CDK14: variants seen among roughly 807,000 people sequenced by gnomAD.
The protein encoded by CDK14 is cyclin-dependent kinase 14.
A neutral mutation model predicts 60.7 loss-of-function variants in CDK14; 34 were observed. The observed-to-expected ratio is 0.56, with a 90% CI of 0.43 to 0.75. CDK14 has a LOEUF of 0.75. Among genes scored for constraint, CDK14 ranks in the 30% least tolerant of loss-of-function variants. The probability of loss-of-function intolerance (pLI) is 0.00; values close to 1 mark genes in which losing one functional copy is unlikely to be tolerated. For missense variants in CDK14, 482 were observed against 564.1 expected, an observed-to-expected ratio of 0.85 and a Z score of 1.47; for synonymous variants, 197 against 203.7, an observed-to-expected ratio of 0.97 and a Z score of 0.28.
intron 2 of CDK14, among the ~76,000 whole-genome samples, chr7:90,695,027 T>G (rs1240190009): frequency 6.6e-6 from 1 of 152,206 alleles, no homozygotes; most frequent in African/African-American, 2.4e-5. Flanking sequence ...GAAATTTTGA[T>G]TGCTGTTTCC....
At chr7:90,971,078 C>G (rs1289779406) in intron 9 of CDK14, among the ~76,000 whole-genome samples, 3 of 151,980 alleles carry the variant, frequency 2.0e-5, no homozygotes, top group East Asian at 1.9e-4. Context: ...CCCGCTCCCC[C>G]CACCCCACAA....
chr7:90,799,874 G>C (rs533556968), intron 5 of CDK14, among the ~76,000 whole-genome samples: 2 of 152,064 alleles, frequency 1.3e-5, no homozygotes, highest in Admixed American at 1.3e-4. Context: ...TAGGGATTTT[G>C]AGGGGGGACA....
chr7:90,979,118 A>C (rs1330764570), intron 9 of CDK14, among the ~76,000 whole-genome samples: 6 of 152,174 alleles, frequency 3.9e-5, no homozygotes, highest in African/African-American at 1.4e-4. Context: ...TACCTAAATG[A>C]ATGAGTGTGG....
intron 9 of CDK14, among the ~76,000 whole-genome samples, chr7:90,970,555 C>T (rs1277318791): frequency 6.6e-6 from 1 of 152,190 alleles, no homozygotes; most frequent in Non-Finnish European, 1.5e-5. Context: ...ATTGCTGACC[C>T]TGGATTCAGG....
intron 10 of CDK14, among the ~76,000 whole-genome samples, chr7:90,999,920 C>T (rs554510309): frequency 6.6e-6 from 1 of 152,274 alleles, no homozygotes; most frequent in East Asian, 1.9e-4. Context: ...TGTTCTGTCT[C>T]AGCCACCACT....
chr7:91,192,187 C>T (rs1011763991), intron 14 of CDK14, among the ~76,000 whole-genome samples: 36 of 152,158 alleles, frequency 2.4e-4, no homozygotes, highest in African/African-American at 8.7e-4. Context: ...GAGCAAGAAT[C>T]ATCAGAATGC....
intron 12 of CDK14, among the ~76,000 whole-genome samples, chr7:91,104,094 G>T (rs1799218523): frequency 6.6e-6 from 1 of 151,894 alleles, no homozygotes; most frequent in African/African-American, 2.4e-5. Flanking sequence ...GAGTTTCCAT[G>T]AACAACAAAC....
chr7:91,138,428 C>G (rs1384057463), intron 14 of CDK14, among the ~76,000 whole-genome samples: 1 of 152,076 alleles, frequency 6.6e-6, no homozygotes, highest in African/African-American at 2.4e-5. Flanking sequence ...AAATAGATGG[C>G]ATTTGAGATG....
intron 14 of CDK14, among the ~76,000 whole-genome samples, chr7:91,165,095 G>T (rs927252594): frequency 6.6e-6 from 1 of 152,110 alleles, no homozygotes; most frequent in Admixed American, 6.5e-5. Context: ...ATGCGGCCTG[G>T]TTCATACAGT....
At chr7:91,130,147 G>C (rs1362831172) in intron 14 of CDK14, among the ~76,000 whole-genome samples, 1 of 151,816 alleles carries the variant, frequency 6.6e-6, no homozygotes, top group East Asian at 1.9e-4. Context: ...CCATATTTTT[G>C]TCATTTGCTT....
intron 10 of CDK14, among the ~76,000 whole-genome samples, chr7:91,006,338 T>A (rs1208904): frequency 0.99 from 150,174 of 152,350 alleles, 74,048 homozygotes; most frequent in East Asian, 1. Context: ...GGCTGCATTT[T>A]TTCAGAAACC....
At chr7:90,877,983 T>G (rs1331273536) in intron 6 of CDK14, among the ~76,000 whole-genome samples, 1 of 152,102 alleles carries the variant, frequency 6.6e-6, no homozygotes, top group Non-Finnish European at 1.5e-5. Flanking sequence ...TAATTTCTCA[T>G]GTTACCAAAT....
chr7:90,988,268 A>G (rs901779637), intron 10 of CDK14, among the ~76,000 whole-genome samples: 2 of 152,310 alleles, frequency 1.3e-5, no homozygotes, highest in South Asian at 2.1e-4. Flanking sequence ...GAGCTGGGAT[A>G]TGCTACAATC....
chr7:90,698,756 G>A (rs1801718823), intron 2 of CDK14, among the ~76,000 whole-genome samples: 1 of 152,170 alleles, frequency 6.6e-6, no homozygotes, highest in Admixed American at 6.5e-5. Context: ...TCTAGCATTT[G>A]CTACTCACTA....
chr7:91,025,739 C>T (rs1796550427), intron 10 of CDK14, among the ~76,000 whole-genome samples: 1 of 152,174 alleles, frequency 6.6e-6, no homozygotes, highest in Admixed American at 6.5e-5. Flanking sequence ...CTGTGCACTG[C>T]CTGTGCCTGT....
rs151023891 is a variant in CDK14, at chr7:90,657,650, A to G, written c.123+53401A>G. Among the ~76,000 whole-genome samples, 24 of 152,332 alleles carry G rather than the reference A, an allele frequency of 1.6e-4. 1 individual carries two copies. The East Asian group carries it at 4.6e-3, about 29-fold the overall frequency. On this transcript the variant is annotated intron_variant, in intron 2 of 14. Coordinates refer to ENST00000380050, the MANE Select transcript of CDK14 (RefSeq NM_001287135.2). ...GAATTTTTAATTTTAATGAATTCAG[A>G]TAACCACATATGGGCCAGTGGCTAC...
chr7:91,188,896 G>A (rs1042680152), intron 14 of CDK14, among the ~76,000 whole-genome samples: 15 of 152,126 alleles, frequency 9.9e-5, no homozygotes, highest in African/African-American at 3.6e-4. Context: ...TAGATTTGAA[G>A]TGTTCCTCTT....
chr7:90,810,130 A>G (rs1487075185), intron 5 of CDK14, among the ~76,000 whole-genome samples: 1 of 152,234 alleles, frequency 6.6e-6, no homozygotes, highest in Non-Finnish European at 1.5e-5. Context: ...TGAGGCCGGC[A>G]TCATCCTGAT....
chr7:90,734,416 TTC>T (rs1803002227), intron 3 of CDK14, among the ~76,000 whole-genome samples: 1 of 152,252 alleles, frequency 6.6e-6, no homozygotes, highest in Non-Finnish European at 1.5e-5. Flanking sequence ...TCCAACTTGG[TTC>T]TATTCTCCCC....
Sources: allele counts gnomAD v4.1 joint callset (sites outside exome capture counted in the v4.1 genomes callset), GRCh38; gene constraint gnomAD v4.1.1; transcripts MANE v1.5; gene names NCBI Gene and HGNC (gene_info 2026-07-23, HGNC 2026-07-21).